ARHGAP15: variants seen among roughly 807,000 people sequenced by gnomAD.
ARHGAP15 encodes rho GTPase-activating protein 15.
ARHGAP15 carries 51 observed loss-of-function variants against 63.7 expected under a neutral mutation model. The observed-to-expected ratio is 0.80, with a 90% CI of 0.64 to 1.01. The LOEUF (loss-of-function observed/expected upper bound fraction) is 1.01. Ranked by LOEUF, ARHGAP15 falls within the 50% of genes least tolerant of loss-of-function variation. ARHGAP15 has a pLI of 0.00. For synonymous variants in ARHGAP15, 191 were observed against 193.8 expected (o/e 0.99, Z 0.12); for missense variants, 560 against 564.6 (o/e 0.99, Z 0.08).
At chr2:143,413,966 T>TGTGTGTGCGCGCGCGCGCGCGCGCACGC in intron 6 of ARHGAP15, among the ~76,000 whole-genome samples, 1 of 117,910 alleles carries the variant, frequency 8.5e-6, no homozygotes, top group African/African-American at 3.5e-5. Context: ...TGTGTGTGTG[T>TGTGTGTGCGCGCGCGCGCGCGCGCACGC]GCGCGCTCTC....
At position 143,669,143 on chromosome 2, in the gene ARHGAP15, A is replaced by T. The variant is rs192256153; in HGVS notation, c.1139-34276A>T. Among the ~76,000 whole-genome samples the T allele has an allele frequency of 3.9e-5, 6 of 152,330 alleles. No homozygotes were observed. In the East Asian group the frequency reaches 1.2e-3, roughly 29 times the overall value. On this transcript the variant is annotated intron_variant, in intron 12 of 13. Transcript: ENST00000295095. ...AAGCACACTAAAAGTATCCACTTAA[A>T]CTTCACAGCAACCCTAGGAGATAGA...
intron 12 of ARHGAP15, among the ~76,000 whole-genome samples, chr2:143,669,782 G>A (rs1559116288): frequency 1.3e-5 from 2 of 152,182 alleles, no homozygotes; most frequent in Admixed American, 6.5e-5. Flanking sequence ...AGGGTATTCT[G>A]CTAGTCTGGG....
intron 13 of ARHGAP15, chr2:143,741,285 G>A (rs1297647835): frequency 6.6e-6 from 1 of 152,206 alleles, no homozygotes; most frequent in Non-Finnish European, 1.5e-5. Context: ...ACCTCCCACT[G>A]AGCATGCTCA....
At chr2:143,724,608 AGCAAGTGG>A (rs1465330088) in intron 13 of ARHGAP15, among the ~76,000 whole-genome samples, 2 of 152,218 alleles carry the variant, frequency 1.3e-5, no homozygotes, top group African/African-American at 4.8e-5. Context: ...AAATCATTTT[AGCAAGTGG>A]GTAAGTGGAG....
chr2:143,654,980 C>T (rs1403368589), intron 12 of ARHGAP15, among the ~76,000 whole-genome samples: 1 of 152,078 alleles, frequency 6.6e-6, no homozygotes, highest in African/African-American at 2.4e-5. Flanking sequence ...ATCTGTATTC[C>T]CAGCTACTCC....
chr2:143,247,901 A>G (rs1025045169), intron 5 of ARHGAP15, among the ~76,000 whole-genome samples: 6 of 152,228 alleles, frequency 3.9e-5, no homozygotes, highest in Non-Finnish European at 7.3e-5. Context: ...TTAAGACACT[A>G]AAGTCTTCCT....
chr2:143,343,302 C>A (rs1574306076), intron 6 of ARHGAP15, among the ~76,000 whole-genome samples: 1 of 151,898 alleles, frequency 6.6e-6, no homozygotes, highest in East Asian at 1.9e-4. Context: ...CATGAGGACG[C>A]ATGTTGAAAA....
intron 6 of ARHGAP15, among the ~76,000 whole-genome samples, chr2:143,386,421 A>T (rs941582103): frequency 6.6e-6 from 1 of 152,176 alleles, no homozygotes; most frequent in Non-Finnish European, 1.5e-5. Context: ...GGGGGGAAAA[A>T]ACGAGAAAGC....
At chr2:143,347,410 C>G (rs1269833595) in intron 6 of ARHGAP15, among the ~76,000 whole-genome samples, 1 of 152,006 alleles carries the variant, frequency 6.6e-6, no homozygotes, top group Non-Finnish European at 1.5e-5. Context: ...GCTGGTTTGT[C>G]GAAGAAAATT....
At chr2:143,158,604 G>C (rs1283161708) in intron 2 of ARHGAP15, among the ~76,000 whole-genome samples, 1 of 151,908 alleles carries the variant, frequency 6.6e-6, no homozygotes, top group Non-Finnish European at 1.5e-5. Context: ...TGTTGGAGAG[G>C]TGGGCAGTTT....
intron 1 of ARHGAP15, among the ~76,000 whole-genome samples, chr2:143,145,963 G>T (rs918598644): frequency 6.6e-6 from 1 of 150,574 alleles, no homozygotes; most frequent in Non-Finnish European, 1.5e-5. Context: ...ATTATTTCCA[G>T]ATGAATCATA....
At chr2:143,228,512 C>A in intron 4 of ARHGAP15, 69 bp from the exon 5 acceptor site, 1 of 1,032,250 alleles carries the variant, frequency 9.7e-7, no homozygotes, top group South Asian at 1.6e-5. Context: ...AAATGTTGCT[C>A]ATACTGTATC....
At chr2:143,508,185 A>G (rs1693408136) in intron 9 of ARHGAP15, among the ~76,000 whole-genome samples, 1 of 151,406 alleles carries the variant, frequency 6.6e-6, no homozygotes, top group African/African-American at 2.4e-5. Flanking sequence ...TGTTCACACC[A>G]CTCCAGCCAC....
At chr2:143,348,020 G>A (rs75588440) in intron 6 of ARHGAP15, among the ~76,000 whole-genome samples, 1,731 of 152,210 alleles carry the variant, frequency 0.011, 34 homozygotes, top group South Asian at 0.098. Flanking sequence ...AATTGACAAA[G>A]TATCCATTTC....
chr2:143,340,954 T>A (rs950314964), intron 6 of ARHGAP15, among the ~76,000 whole-genome samples: 1 of 152,170 alleles, frequency 6.6e-6, no homozygotes, highest in Non-Finnish European at 1.5e-5. Flanking sequence ...TACTGAAATG[T>A]TCACTATCAT....
chr2:143,637,391 G>C (rs1680374248), intron 12 of ARHGAP15, among the ~76,000 whole-genome samples: 1 of 151,936 alleles, frequency 6.6e-6, no homozygotes, highest in South Asian at 2.1e-4. Flanking sequence ...TCTCAGATAA[G>C]TTTGTACAAG....
chr2:143,472,799 C>T (rs990903429), intron 8 of ARHGAP15, among the ~76,000 whole-genome samples: 16 of 152,078 alleles, frequency 1.1e-4, no homozygotes, highest in Non-Finnish European at 2.2e-4. Context: ...TTAATCCTTG[C>T]AACATGGCAC....
chr2:143,716,209 C>A (rs1448477412), intron 13 of ARHGAP15, among the ~76,000 whole-genome samples: 2 of 152,138 alleles, frequency 1.3e-5, no homozygotes. Context: ...AATATTAAGA[C>A]TGCATGTTAA....
intron 4 of ARHGAP15, among the ~76,000 whole-genome samples, chr2:143,224,492 G>A (rs1198691353): frequency 6.6e-6 from 1 of 152,016 alleles, no homozygotes; most frequent in East Asian, 1.9e-4. Flanking sequence ...TTTCTTTGTG[G>A]GAGCTTGGGG....
Sources: allele counts gnomAD v4.1 joint callset (sites outside exome capture counted in the v4.1 genomes callset), GRCh38; gene constraint gnomAD v4.1.1; transcripts MANE v1.5; gene names NCBI Gene and HGNC (gene_info 2026-07-23, HGNC 2026-07-21).